THSD7B: variants seen among roughly 807,000 people sequenced by gnomAD.
THSD7B encodes thrombospondin type 1 domain containing 7B.
THSD7B carries 138 observed loss-of-function variants against 213.6 expected under a neutral mutation model. That is an observed-to-expected ratio of 0.65 (90% CI 0.56 to 0.74). The LOEUF (loss-of-function observed/expected upper bound fraction) is 0.74. THSD7B is among the 30% of genes least tolerant of loss of function. The pLI, the probability that THSD7B is intolerant of heterozygous loss-of-function variation, is 0.00. For missense variants in THSD7B, 1,931 were observed against 1,991.5 expected (o/e 0.97, Z 0.58); for synonymous variants, 742 against 687.0 (o/e 1.08, Z -1.25).
intron 10 of THSD7B, among the ~76,000 whole-genome samples, chr2:137,253,886 T>G (rs1682244721): frequency 6.6e-6 from 1 of 152,174 alleles, no homozygotes; most frequent in African/African-American, 2.4e-5. Context: ...TTAGCTAATG[T>G]GATGGTAGAT....
intron 27 of THSD7B, among the ~76,000 whole-genome samples, chr2:137,670,978 A>T (rs188086225): frequency 2.7e-5 from 4 of 150,908 alleles, no homozygotes; most frequent in Non-Finnish European, 5.9e-5. Flanking sequence ...TTTCATATTC[A>T]TAATAGAATT....
At chr2:136,989,054 T>A (rs1199158949) in intron 2 of THSD7B, among the ~76,000 whole-genome samples, 1 of 152,162 alleles carries the variant, frequency 6.6e-6, no homozygotes, top group Non-Finnish European at 1.5e-5. Flanking sequence ...GGGGTTAATA[T>A]AAATGGGTGG....
intron 2 of THSD7B, among the ~76,000 whole-genome samples, chr2:137,045,219 C>A (rs1401318464): frequency 6.6e-6 from 1 of 151,956 alleles, no homozygotes; most frequent in African/African-American, 2.4e-5. Flanking sequence ...GAACTTTCAC[C>A]TTTTCACTTA....
chr2:137,357,901 G>A (rs1380471042), intron 12 of THSD7B, among the ~76,000 whole-genome samples: 1 of 152,202 alleles, frequency 6.6e-6, no homozygotes, highest in African/African-American at 2.4e-5. Context: ...TAAGTGAAGA[G>A]TGAGGCTTTG....
At chr2:136,844,490 G>GAGAGAGAGAC (rs895586400) in intron 1 of THSD7B, among the ~76,000 whole-genome samples, 3 of 149,478 alleles carry the variant, frequency 2.0e-5, no homozygotes, top group African/African-American at 7.5e-5. Context: ...GAGAGAGAGA[G>GAGAGAGAGAC]AGAGACAGAG....
chr2:136,990,814 A>C, intron 2 of THSD7B: 1 of 1,159,514 alleles, frequency 8.6e-7, no homozygotes, highest in Non-Finnish European at 1.2e-6. Context: ...TGCCTGGCCG[A>C]TGGTGTTTCT....
chr2:137,053,696 T>G (rs1460757028), intron 2 of THSD7B, among the ~76,000 whole-genome samples: 3 of 152,086 alleles, frequency 2.0e-5, no homozygotes, highest in Non-Finnish European at 2.9e-5. Context: ...CAGAAATAGG[T>G]CCAACTTTTC....
At chr2:136,891,505 C>G (rs1273300356) in intron 2 of THSD7B, among the ~76,000 whole-genome samples, 3 of 152,172 alleles carry the variant, frequency 2.0e-5, no homozygotes, top group Non-Finnish European at 4.4e-5. Flanking sequence ...GGCTAAGCAG[C>G]TGTAACAAAG....
At chr2:137,497,442 A>G (rs569112425) in intron 15 of THSD7B, among the ~76,000 whole-genome samples, 2 of 152,276 alleles carry the variant, frequency 1.3e-5, no homozygotes, top group Admixed American at 1.3e-4. Flanking sequence ...TATATTATCT[A>G]TGATGATTTT....
At chr2:137,057,372 T>G (rs1373598619) in intron 3 of THSD7B, 142 bp downstream of exon 3, 8 of 874,594 alleles carry the variant, frequency 9.1e-6, no homozygotes, top group Non-Finnish European at 1.4e-5. Flanking sequence ...ATGTAAGAAA[T>G]TTTTAATTTC....
At chr2:137,517,668 T>G (rs1259602695) in intron 15 of THSD7B, among the ~76,000 whole-genome samples, 1 of 152,146 alleles carries the variant, frequency 6.6e-6, no homozygotes, top group Non-Finnish European at 1.5e-5. Flanking sequence ...CTGAAACAGG[T>G]CCAGCCTGCT....
chr2:136,772,279 T>C (rs1272528718), intron 1 of THSD7B, among the ~76,000 whole-genome samples: 1 of 152,180 alleles, frequency 6.6e-6, no homozygotes, highest in Admixed American at 6.5e-5. Flanking sequence ...CCAAGGCCTC[T>C]ATAGTCAATG....
chr2:137,139,436 T>A (rs1679536670), intron 5 of THSD7B, among the ~76,000 whole-genome samples: 1 of 152,184 alleles, frequency 6.6e-6, no homozygotes, highest in Non-Finnish European at 1.5e-5. Flanking sequence ...AGAGAGCCAA[T>A]GTGATACAGA....
At chr2:137,194,478 G>A (rs1278847223) in intron 7 of THSD7B, among the ~76,000 whole-genome samples, 1 of 152,182 alleles carries the variant, frequency 6.6e-6, no homozygotes, top group Non-Finnish European at 1.5e-5. Flanking sequence ...AAAGAAGTGT[G>A]TTAGTATTTT....
intron 25 of THSD7B, among the ~76,000 whole-genome samples, chr2:137,663,037 C>A: frequency 6.8e-6 from 1 of 146,574 alleles, no homozygotes; most frequent in African/African-American, 2.5e-5. Context: ...TGTACTCCAG[C>A]ATCAGCAACA....
At chr2:137,488,632 T>A (rs1162738571) in intron 15 of THSD7B, among the ~76,000 whole-genome samples, 1 of 152,248 alleles carries the variant, frequency 6.6e-6, no homozygotes, top group African/African-American at 2.4e-5. Context: ...TCCTTCCACG[T>A]GTGCATGCAT....
chr2:137,405,726 T>C lies in THSD7B; in HGVS notation c.2614T>C (p.Cys872Arg), dbSNP rs1686501464. ...ATGCACAGTCCCATGTCGAGAAGAC[T>C]GCACCTTCACTGCTTGGTCCAAGTT... The part of the protein sequence containing the change: ...QECTVPCRED[C>R]TFTAWSKFTP... Residue 872 changes from cysteine to arginine, a missense_variant, in exon 13 of 28, where the codon TGC becomes CGC. Coordinates refer to ENST00000409968, the MANE Select transcript of THSD7B (RefSeq NM_001316349.2). 2 of 1,613,702 alleles carry C rather than the reference T, an allele frequency of 1.2e-6. No individual in the cohort carries two copies. The highest frequency in any genetic ancestry group is 1.7e-6 in the Non-Finnish European group (2 of 1,179,850).
At chr2:137,398,503 A>T (rs1686257413) in intron 12 of THSD7B, among the ~76,000 whole-genome samples, 1 of 151,932 alleles carries the variant, frequency 6.6e-6, no homozygotes, top group African/African-American at 2.4e-5. Flanking sequence ...GACCCACTTG[A>T]GGAGGCAGTC....
chr2:136,797,127 T>C (rs2710190), intron 1 of THSD7B, among the ~76,000 whole-genome samples: 109,125 of 151,738 alleles, frequency 0.72, 39,600 homozygotes, highest in East Asian at 0.97. Flanking sequence ...ACTTGGGGAC[T>C]TTTCAAGGAC....
Sources: gnomAD v4.1 joint callset for allele counts (sites outside exome capture counted in the v4.1 genomes callset) on GRCh38, gnomAD v4.1.1 for gene constraint, MANE v1.5 for transcripts, NCBI Gene and HGNC (gene_info 2026-07-23, HGNC 2026-07-21) for gene names.